Variants in DIPK1A observed in about 807,000 individuals in gnomAD.
The protein encoded by DIPK1A is divergent protein kinase domain 1A.
DIPK1A carries 27 observed loss-of-function variants against 40.8 expected under a neutral mutation model. The observed-to-expected ratio is 0.66, with a 90% CI of 0.49 to 0.91. DIPK1A has a LOEUF of 0.91. DIPK1A is among the 40% of genes least tolerant of loss of function. The pLI is 0.00. For synonymous variants in DIPK1A, 166 were observed against 171.3 expected (o/e 0.97, Z 0.24); for missense variants, 412 against 505.7 (o/e 0.81, Z 1.78).
At chr1:92,939,722 G>A (rs1004611155) in intron 1 of DIPK1A, among the ~76,000 whole-genome samples, 2 of 152,164 alleles carry the variant, frequency 1.3e-5, no homozygotes, top group African/African-American at 4.8e-5. Flanking sequence ...GGGAGGCCAA[G>A]GCAGGAAGAT....
chr1:92,842,544 G>C lies in DIPK1A; in HGVS notation c.*839C>G, dbSNP rs1687415824. ...TAAGAAATAGCCCTTTGGCCCACAGGATATACTGTTTGAAAATGGAAAGTT... is the reference window on the plus strand; with the variant it reads ...TAAGAAATAGCCCTTTGGCCCACAGCATATACTGTTTGAAAATGGAAAGTT... On this transcript the variant is annotated 3_prime_UTR_variant, in exon 5 of 5. Coordinates refer to ENST00000370310, the MANE Select transcript of DIPK1A (RefSeq NM_001006605.5). 1 of 984,582 alleles carries C rather than the reference G, an allele frequency of 1.0e-6. No individual in the cohort carries two copies. The highest frequency in any genetic ancestry group is 1.2e-6 in the Non-Finnish European group (1 of 829,340). The allele number at this position is 984,582 out of a possible 1,614,324, so 61.0% of individuals were successfully genotyped here.
At chr1:92,840,980 C>T (rs1687342275), downstream of DIPK1A, 1 of 412,596 alleles carries the variant, frequency 2.4e-6, no homozygotes, top group Non-Finnish European at 4.7e-6. Context: ...ATGTGATGGC[C>T]CACAAATACA....
At chr1:92,878,684 G>A (rs534577911) in intron 1 of DIPK1A, among the ~76,000 whole-genome samples, 2 of 152,308 alleles carry the variant, frequency 1.3e-5, no homozygotes, top group South Asian at 4.1e-4. Flanking sequence ...GCCGGGCGAG[G>A]TGGCGGGGGC....
chr1:92,841,370 G>A (rs940233492), downstream of DIPK1A, among the ~76,000 whole-genome samples: 4 of 152,118 alleles, frequency 2.6e-5, no homozygotes, highest in African/African-American at 7.2e-5. Flanking sequence ...TAAAGACTGG[G>A]TAATAATCCA....
intron 4 of DIPK1A, among the ~76,000 whole-genome samples, chr1:92,836,022 A>T (rs1477637097): frequency 1.3e-5 from 2 of 152,108 alleles, no homozygotes; most frequent in South Asian, 2.1e-4. Context: ...TTTTTTTTTT[A>T]AATAGCATTT....
At chr1:92,890,634 T>G (rs557913192) in intron 1 of DIPK1A, among the ~76,000 whole-genome samples, 7 of 152,260 alleles carry the variant, frequency 4.6e-5, no homozygotes, top group African/African-American at 1.7e-4. Context: ...TTTGTGTACG[T>G]TGACCTATCT....
At chr1:92,848,031 C>G (rs1229958160) in intron 3 of DIPK1A, among the ~76,000 whole-genome samples, 5 of 152,162 alleles carry the variant, frequency 3.3e-5, no homozygotes, top group African/African-American at 1.2e-4. Context: ...GGCACCACAC[C>G]TGGCTTTTAC....
At position 92,892,410 on chromosome 1, in the gene DIPK1A, G is replaced by T. The variant is rs561217637; in HGVS notation, c.55-15980C>A. 2.6e-5 allele frequency among the ~76,000 whole-genome samples: 4 copies of T among 152,208 alleles called. No individual in the cohort carries two copies. The East Asian group carries it at 7.7e-4, about 29-fold the overall frequency. ...ACCCAGGGTCTGGAGTGGACCTCCA[G>T]CAAACTCCAACAGAACTGCAGCTGA... On this transcript the variant is annotated intron_variant, in intron 1 of 4. Coordinates refer to ENST00000370310, the MANE Select transcript of DIPK1A (RefSeq NM_001006605.5).
chr1:92,833,279 T>C lies in DIPK1A; in HGVS notation c.475-245A>G, dbSNP rs1252963983. The C allele has an allele frequency of 4.5e-6, 4 of 882,228 alleles. No homozygotes were observed. The African/African-American group carries it at 6.7e-5, about 15-fold the overall frequency. 54.6% of individuals were successfully genotyped at this position (882,228 alleles called of 1,614,324 possible). On this transcript the variant is annotated intron_variant, in intron 4 of 4. Transcript: ENST00000615519. ...AACCTGGGATTCTACAAGTGACAGT[T>C]GTCTGTTTACTCTTGAAGTTCAAGT... is the stretch of plus-strand genomic sequence containing the variant.
chr1:92,909,414 T>C (rs1464297439), intron 1 of DIPK1A, among the ~76,000 whole-genome samples: 1 of 152,180 alleles, frequency 6.6e-6, no homozygotes, highest in Non-Finnish European at 1.5e-5. Context: ...GGGTCCAGGC[T>C]GGTTCTCCGA....
rs1345452707 is a variant in DIPK1A, at chr1:92,851,556, A to AAAAAAAAAC, written c.190-602_190-601insGTTTTTTTT. Among the ~76,000 whole-genome samples, 5 of 94,962 alleles carry AAAAAAAAAC rather than the reference A, an allele frequency of 5.3e-5. 1 individual carries two copies. The highest frequency in any genetic ancestry group is 6.8e-5 in the Non-Finnish European group (3 of 43,842). 62.3% of individuals were successfully genotyped at this position (94,962 alleles called of 152,430 possible). On this transcript the variant is annotated intron_variant, in intron 2 of 4. Transcript: ENST00000370310. ...AGACCCTATCTCAAAAAAAAAAAAAAAAAAAACTTCTGGTTTTAAAATAAA... is the reference window on the plus strand; with the variant it reads ...AGACCCTATCTCAAAAAAAAAAAAAAAAAAAAAACAAAAAACTTCTGGTTTTAAAATAAA...
chr1:92,842,648 G>A lies in DIPK1A; in HGVS notation c.*735C>T. ...TTCACATAGTTCAAAATCAGGATAT[G>A]TGGATCTTGATTGGGCCTTAAGATG... On this transcript the variant is annotated 3_prime_UTR_variant, in exon 5 of 5. Coordinates refer to ENST00000370310, the MANE Select transcript of DIPK1A (RefSeq NM_001006605.5). The A allele has an allele frequency of 1.0e-6, 1 of 985,278 alleles. No individual in the cohort carries two copies. Among genetic ancestry groups the A allele is most frequent in the African/African-American group, 1.7e-5 (1 of 57,354 alleles). 61.0% of individuals were successfully genotyped at this position (985,278 alleles called of 1,614,324 possible). A position where few individuals can be genotyped will look rare whatever the true frequency, so the allele number is the denominator to read the frequency against.
At chr1:92,895,553 C>G (rs769330766) in intron 1 of DIPK1A, among the ~76,000 whole-genome samples, 4 of 152,144 alleles carry the variant, frequency 2.6e-5, no homozygotes, top group East Asian at 1.9e-4. Flanking sequence ...ATATCATACT[C>G]AATGGGCAAA....
rs11407255 is a variant in DIPK1A at position 92,845,833 on chromosome 1, T to TAA, written c.474+1348_474+1349dup. Among the ~76,000 whole-genome samples, 374 of 142,322 alleles carry TAA rather than the reference T, an allele frequency of 2.6e-3. 5 individuals are homozygous for TAA. The highest frequency in any genetic ancestry group is 0.023 in the East Asian group (113 of 4,866). The allele number at this position is 142,322 out of a possible 152,430, so 93.4% of individuals were successfully genotyped here. The stretch of plus-strand genomic sequence containing the variant: ...CTGGGCAACAGAGCGAGACTCCGTC[T>TAA]AAAAAAAAAAAAAATTAGCCAGGTG... On this transcript the variant is annotated intron_variant, in intron 4 of 4. Transcript: ENST00000370310.
intron 1 of DIPK1A, among the ~76,000 whole-genome samples, chr1:92,899,756 T>C (rs781632764): frequency 2.0e-5 from 3 of 152,222 alleles, no homozygotes; most frequent in Non-Finnish European, 4.4e-5. Context: ...GTGTTCATCA[T>C]AGTGATGATT....
At chr1:92,923,710 G>A (rs1650365335) in intron 1 of DIPK1A, among the ~76,000 whole-genome samples, 1 of 152,122 alleles carries the variant, frequency 6.6e-6, no homozygotes, top group South Asian at 2.1e-4. Flanking sequence ...GCCCCATTCT[G>A]TCAACATATG....
rs1687429427 is a variant in DIPK1A at position 92,842,801 on chromosome 1, A to C, written c.*582T>G. 1 of 985,356 alleles carries C rather than the reference A, an allele frequency of 1.0e-6. No homozygotes were observed. Among genetic ancestry groups the C allele is most frequent in the African/African-American group, 1.7e-5 (1 of 57,242 alleles). The allele number at this position is 985,356 out of a possible 1,614,324, so 61.0% of individuals were successfully genotyped here. On this transcript the variant is annotated 3_prime_UTR_variant, in exon 5 of 5. Transcript: ENST00000370310. ...AGTATAAGATTTCTTGAAGTAAGCC[A>C]CTTGAACCATTGTGAAGCTACACAT...
In DIPK1A at chr1:92,844,202, A is replaced by G. The variant is rs1687498934; in HGVS notation, c.475-7T>C. On this transcript the variant is annotated splice_region_variant and splice_polypyrimidine_tract_variant and intron_variant, in intron 4 of 4. Transcript: ENST00000370310. ...CTTGGTCACCCAATTTTGCCTGTCA[A>G]GAATTTGGCTAGTTACACAGAAGGA... 1.3e-6 allele frequency: 2 copies of G among 1,534,978 alleles called. No individual in the cohort carries two copies. The highest frequency in any genetic ancestry group is 2.5e-5 in the East Asian group (1 of 40,702).
At chr1:92,870,038 G>C (rs1311640566) in intron 2 of DIPK1A, among the ~76,000 whole-genome samples, 1 of 143,558 alleles carries the variant, frequency 7.0e-6, no homozygotes, top group Non-Finnish European at 1.5e-5. Context: ...TTAAAAAAAG[G>C]TATAATCTGC....
Sources: gnomAD v4.1 joint callset for allele counts (sites outside exome capture counted in the v4.1 genomes callset) on GRCh38, gnomAD v4.1.1 for gene constraint, MANE v1.5 for transcripts, NCBI Gene and HGNC (gene_info 2026-07-23, HGNC 2026-07-21) for gene names.